The following SOX5 variants were observed in gnomAD, a reference collection of about 807,000 sequenced individuals.
SOX5 encodes the protein SRY-box transcription factor 5, also known as transcription factor SOX-5.
Under a neutral mutation model 92.0 loss-of-function variants are expected in SOX5, and 9 were observed. That is an observed-to-expected ratio of 0.10 (90% CI 0.06 to 0.17). The LOEUF is 0.17. SOX5 is among the 10% of genes least tolerant of loss of function. SOX5 has a pLI of 1.00. For missense variants in SOX5, 642 were observed against 944.5 expected (o/e 0.68, Z 4.20); for synonymous variants, 344 against 336.3 (o/e 1.02, Z -0.25).
intron 9 of SOX5, among the ~76,000 whole-genome samples, chr12:23,596,954 G>A (rs988828030): frequency 6.6e-6 from 1 of 152,082 alleles, no homozygotes; most frequent in Non-Finnish European, 1.5e-5. Context: ...AACGACTTAG[G>A]TTTTAACTAC....
intron 2 of SOX5, among the ~76,000 whole-genome samples, chr12:23,882,623 T>C (rs2097008365): frequency 2.0e-5 from 3 of 152,160 alleles, no homozygotes; most frequent in Admixed American, 1.3e-4. Flanking sequence ...GCAGAGCAAT[T>C]GGGCTGAGAG....
chr12:23,585,995 C>T (rs988211725), intron 9 of SOX5, among the ~76,000 whole-genome samples: 32 of 152,076 alleles, frequency 2.1e-4, no homozygotes, highest in Non-Finnish European at 5.9e-5. Context: ...AATACGGCCT[C>T]CTTAAGCCCC....
At chr12:23,716,180 G>T (rs2092481257) in intron 6 of SOX5, among the ~76,000 whole-genome samples, 2 of 152,150 alleles carry the variant, frequency 1.3e-5, no homozygotes, top group African/African-American at 4.8e-5. Context: ...TAATGTAAAG[G>T]TTTATAAAGT....
chr12:24,510,418 A>C (rs1347340857), intron 1 of SOX5, among the ~76,000 whole-genome samples: 1 of 152,218 alleles, frequency 6.6e-6, no homozygotes, highest in Non-Finnish European at 1.5e-5. Flanking sequence ...CCAATTTTCA[A>C]ATTTTTAATG....
At position 23,758,402 on chromosome 12, in the gene SOX5, TC is replaced by T. The variant is rs1555322306; in HGVS notation, c.482-2679del. Among the ~76,000 whole-genome samples, 456 of 151,604 alleles carry T rather than the reference TC, an allele frequency of 3.0e-3. 2 individuals carry two copies. The highest frequency in any genetic ancestry group is 0.011 in the African/African-American group (435 of 41,304). Reference sequence around the variant, plus strand: ...TCTTGAACTAAGTTTTTTTTTTTTTTCCTACACATTCCTAACTCTCTTATCA... The same window carrying T: ...TCTTGAACTAAGTTTTTTTTTTTTTTCTACACATTCCTAACTCTCTTATCA... On this transcript the variant is annotated intron_variant, in intron 3 of 14. Coordinates refer to ENST00000451604, the MANE Select transcript of SOX5 (RefSeq NM_006940.6).
intron 4 of SOX5, among the ~76,000 whole-genome samples, chr12:24,010,296 A>G (rs1952766093): frequency 1.3e-5 from 2 of 152,186 alleles, no homozygotes; most frequent in Admixed American, 6.6e-5. Flanking sequence ...ACATACCCCA[A>G]GGTGCATCTC....
intron 7 of SOX5, among the ~76,000 whole-genome samples, chr12:23,642,179 G>T (rs1245563751): frequency 6.6e-6 from 1 of 152,136 alleles, no homozygotes; most frequent in Non-Finnish European, 1.5e-5. Context: ...GTGTTTGTGT[G>T]CGTGTCTGAG....
At chr12:24,315,450 TGTTA>T (rs1235730151) in intron 2 of SOX5, among the ~76,000 whole-genome samples, 1 of 152,174 alleles carries the variant, frequency 6.6e-6, no homozygotes, top group Non-Finnish European at 1.5e-5. Context: ...ATGCCTTGAA[TGTTA>T]GTATTTTAAG....
At chr12:24,267,218 C>T (rs989231716) in intron 3 of SOX5, among the ~76,000 whole-genome samples, 22 of 152,106 alleles carry the variant, frequency 1.4e-4, no homozygotes, top group Middle Eastern at 3.4e-3. Flanking sequence ...GGAGCAAGAC[C>T]CTGTCTCAAA....
chr12:24,270,518 A>G (rs1943590272), intron 3 of SOX5, among the ~76,000 whole-genome samples: 1 of 152,230 alleles, frequency 6.6e-6, no homozygotes, highest in South Asian at 2.1e-4. Context: ...CTATTATTTT[A>G]AGATTTATCT....
Position 23,530,582 on chromosome 12 carries a change from A to AT in SOX5, c.*3636dup, listed in dbSNP as rs1410596852. 15 of 152,192 alleles carry AT rather than the reference A, an allele frequency of 9.9e-5. No homozygotes were observed. The highest frequency in any genetic ancestry group is 3.4e-4 in the African/African-American group (14 of 41,448). The allele number at this position is 152,192 out of a possible 1,614,324, so 9.4% of individuals were successfully genotyped here. ...TGAACTTCACAAATGGACTTCACTA[A>AT]TTTAGGTATAAATGTGCTGAAGAAT... On this transcript the variant is annotated 3_prime_UTR_variant, in exon 15 of 15. Coordinates refer to ENST00000451604, the MANE Select transcript of SOX5 (RefSeq NM_006940.6).
At chr12:24,499,507 T>C (rs1338159972) in intron 1 of SOX5, among the ~76,000 whole-genome samples, 2 of 152,210 alleles carry the variant, frequency 1.3e-5, no homozygotes, top group African/African-American at 4.8e-5. Context: ...AAGGATGGAA[T>C]AATTCAGTCT....
chr12:24,039,932 G>A (rs1465470819), intron 4 of SOX5, among the ~76,000 whole-genome samples: 2 of 152,124 alleles, frequency 1.3e-5, no homozygotes, highest in Admixed American at 1.3e-4. Flanking sequence ...GTGAACACTT[G>A]TTTCCCAGCC....
chr12:23,910,046 T>G (rs577837808), intron 1 of SOX5, among the ~76,000 whole-genome samples: 3 of 152,204 alleles, frequency 2.0e-5, no homozygotes, highest in Non-Finnish European at 4.4e-5. Context: ...CCACACACAG[T>G]TCCCTGAAAA....
intron 1 of SOX5, among the ~76,000 whole-genome samples, chr12:24,459,279 C>G (rs1644840210): frequency 1.3e-5 from 2 of 152,156 alleles, no homozygotes; most frequent in Admixed American, 1.3e-4. Context: ...AGTGCTGTTT[C>G]TGAATGATGG....
At chr12:24,505,286 T>C (rs1036452895) in intron 1 of SOX5, among the ~76,000 whole-genome samples, 1 of 152,180 alleles carries the variant, frequency 6.6e-6, no homozygotes, top group African/African-American at 2.4e-5. Flanking sequence ...CCTTGAGTTG[T>C]ATCTGGAACA....
chr12:23,949,576 T>G lies in SOX5; in HGVS notation c.26A>C (p.Gln9Pro). Residue 9 changes from glutamine to proline, a missense_variant, in exon 1 of 15, where the codon CAG (glutamine) becomes CCG (proline). Coordinates refer to ENST00000451604, the MANE Select transcript of SOX5 (RefSeq NM_006940.6). MLTDPDLP[Q>P]EFERMSSKRP... The stretch of plus-strand genomic sequence containing the variant: ...AAACTGTACTCACCTTTCAAACTCC[T>G]GAGGTAAATCAGGGTCAGTAAGCAT... 1 of 1,613,826 alleles carries G rather than the reference T, an allele frequency of 6.2e-7. No individual in the cohort carries two copies. Among genetic ancestry groups the G allele is most frequent in the African/African-American group, 1.3e-5 (1 of 75,050 alleles).
intron 1 of SOX5, among the ~76,000 whole-genome samples, chr12:24,435,468 T>G (rs1347294093): frequency 6.6e-6 from 1 of 152,254 alleles, no homozygotes; most frequent in Non-Finnish European, 1.5e-5. Context: ...TACATGCTTC[T>G]AAATATTGCA....
intron 3 of SOX5, chr12:24,227,073 C>T (rs1298228582): frequency 1.3e-5 from 2 of 152,214 alleles, no homozygotes; most frequent in African/African-American, 2.4e-5. Context: ...ACGTAATGGA[C>T]GTAATGGACA....
Sources: allele counts gnomAD v4.1 joint callset (sites outside exome capture counted in the v4.1 genomes callset), GRCh38; gene constraint gnomAD v4.1.1; transcripts MANE v1.5; gene names NCBI Gene and HGNC (gene_info 2026-07-23, HGNC 2026-07-21).